CDH13: variants seen among roughly 807,000 people sequenced by gnomAD.
CDH13 encodes cadherin-13.
A neutral mutation model predicts 63.8 loss-of-function variants in CDH13; 24 were observed. The observed-to-expected ratio is 0.38, with a 90% CI of 0.27 to 0.53. CDH13 has a LOEUF of 0.53. Among genes scored for constraint, CDH13 ranks in the 20% least tolerant of loss-of-function variants. The pLI is 0.85. For missense variants in CDH13, 1,049 were observed against 903.1 expected, an observed-to-expected ratio of 1.16 and a Z score of -2.07; for synonymous variants, 503 against 355.3, an observed-to-expected ratio of 1.42 and a Z score of -4.67.
At chr16:82,646,925 T>C (rs556953612) in intron 1 of CDH13, among the ~76,000 whole-genome samples, 70 of 152,302 alleles carry the variant, frequency 4.6e-4, no homozygotes, top group Non-Finnish European at 9.1e-4. Flanking sequence ...TGACTATGAA[T>C]GTGAAGGCAA....
intron 6 of CDH13, among the ~76,000 whole-genome samples, chr16:83,404,000 A>C (rs1055759096): frequency 1.3e-5 from 2 of 152,236 alleles, no homozygotes; most frequent in Non-Finnish European, 2.9e-5. Context: ...AAGATGATTC[A>C]GAAATGCATT....
At chr16:82,913,949 T>G (rs1003295950) in intron 2 of CDH13, among the ~76,000 whole-genome samples, 2 of 151,938 alleles carry the variant, frequency 1.3e-5, no homozygotes, top group African/African-American at 4.8e-5. Flanking sequence ...AGGCAGGAGA[T>G]GTAGACAGCG....
intron 10 of CDH13, among the ~76,000 whole-genome samples, chr16:83,736,121 T>G (rs391794): frequency 6.6e-6 from 1 of 151,938 alleles, no homozygotes; most frequent in Admixed American, 6.6e-5. Flanking sequence ...AAATTTAACC[T>G]TAGACCTAGA....
Position 83,671,008 on chromosome 16 carries a change from C to T in CDH13, c.1284+36C>T, listed in dbSNP as rs534138683. ...TTCCAATTGCCTCTTTCTCCTCATG[C>T]GAGCACGGAGGGCCCCATGAGGCAG... On this transcript the variant is annotated intron_variant, in intron 9 of 13. Coordinates refer to ENST00000567109, the MANE Select transcript of CDH13 (RefSeq NM_001257.5). The T allele has an allele frequency of 3.7e-4, 557 of 1,521,278 alleles. 4 individuals carry two copies. The South Asian group carries it at 4.0e-3, about 11-fold the overall frequency. 94.2% of individuals were successfully genotyped at this position (1,521,278 alleles called of 1,614,324 possible).
intron 1 of CDH13, among the ~76,000 whole-genome samples, chr16:82,715,313 A>C (rs1419267353): frequency 1.3e-5 from 2 of 149,904 alleles, no homozygotes; most frequent in Admixed American, 1.3e-4. Flanking sequence ...CTTAGCCATC[A>C]TCAGCGCCAA....
chr16:83,178,356 A>G (rs557963860), intron 4 of CDH13, among the ~76,000 whole-genome samples: 227 of 152,166 alleles, frequency 1.5e-3, no homozygotes, highest in Admixed American at 1.3e-3. Flanking sequence ...CCCCCGCCGC[A>G]CCCCAGTTGA....
At chr16:82,688,606 T>C (rs1305287692) in intron 1 of CDH13, among the ~76,000 whole-genome samples, 1 of 152,206 alleles carries the variant, frequency 6.6e-6, no homozygotes, top group Non-Finnish European at 1.5e-5. Flanking sequence ...ACATCATTCA[T>C]CTGATGACAT....
chr16:83,384,655 A>G (rs2091637377), intron 6 of CDH13, among the ~76,000 whole-genome samples: 1 of 152,156 alleles, frequency 6.6e-6, no homozygotes, highest in African/African-American at 2.4e-5. Context: ...ATGGGATCCG[A>G]GGGTATGGAG....
At chr16:82,830,680 ATGTC>A (rs1002032870) in intron 1 of CDH13, among the ~76,000 whole-genome samples, 4 of 152,198 alleles carry the variant, frequency 2.6e-5, no homozygotes, top group Non-Finnish European at 5.9e-5. Context: ...GGCATGGACT[ATGTC>A]TGTTTCTTCT....
rs1401930076 is a variant in CDH13, at chr16:83,524,539, G to A, written c.960+37884G>A. 7.0e-5 allele frequency among the ~76,000 whole-genome samples: 9 copies of A among 127,670 alleles called. No homozygotes were observed. The South Asian group carries it at 1.1e-3, about 15-fold the overall frequency. The allele number at this position is 127,670 out of a possible 152,430, so 83.8% of individuals were successfully genotyped here. ...GCGCTCTCGGCTTACTGCAAGCTCCGCCTCCTGGGTTCACGCCATTCTCCT... is the reference window on the plus strand; with the variant it reads ...GCGCTCTCGGCTTACTGCAAGCTCCACCTCCTGGGTTCACGCCATTCTCCT... On this transcript the variant is annotated intron_variant, in intron 7 of 13. Coordinates refer to ENST00000567109, the MANE Select transcript of CDH13 (RefSeq NM_001257.5).
In CDH13 at chr16:83,747,432, G is replaced by A. The variant is rs550210198; in HGVS notation, c.1539-676G>A. On this transcript the variant is annotated intron_variant, in intron 10 of 13. Coordinates refer to ENST00000567109, the MANE Select transcript of CDH13 (RefSeq NM_001257.5). ...ACGTAAGACATGCCTTTCACCTTCC[G>A]CCATGATTGCGAGGCCTCCTTAGCC... is the stretch of plus-strand genomic sequence containing the variant. Among the ~76,000 whole-genome samples, 31 of 152,186 alleles carry A rather than the reference G, an allele frequency of 2.0e-4. No individual in the cohort carries two copies. The South Asian group carries it at 6.2e-3, about 31-fold the overall frequency.
intron 11 of CDH13, among the ~76,000 whole-genome samples, chr16:83,749,882 T>A (rs1912934434): frequency 6.6e-6 from 1 of 152,192 alleles, no homozygotes; most frequent in Admixed American, 6.5e-5. Flanking sequence ...ACATCTCACC[T>A]GCGTGATGAA....
intron 5 of CDH13, among the ~76,000 whole-genome samples, chr16:83,250,607 A>G (rs1015348152): frequency 6.6e-6 from 1 of 152,172 alleles, no homozygotes; most frequent in Admixed American, 6.5e-5. Flanking sequence ...TGGAGACTCC[A>G]GCAACCTTGG....
intron 3 of CDH13, among the ~76,000 whole-genome samples, chr16:83,084,842 C>T (rs745567558): frequency 9.2e-5 from 14 of 152,150 alleles, no homozygotes; most frequent in South Asian, 2.1e-4. Flanking sequence ...GAGCCGAGAT[C>T]GCACCATTGC....
chr16:82,637,084 A>G (rs555558751), intron 1 of CDH13, among the ~76,000 whole-genome samples: 1 of 152,240 alleles, frequency 6.6e-6, no homozygotes, highest in African/African-American at 2.4e-5. Flanking sequence ...AGATGCATGC[A>G]GATTATCTAA....
chr16:83,202,110 C>G (rs565601757), intron 4 of CDH13, among the ~76,000 whole-genome samples: 1 of 152,098 alleles, frequency 6.6e-6, no homozygotes. Flanking sequence ...ATGGCGGACT[C>G]GACTTTCAAG....
At chr16:83,269,663 T>G (rs1249514239) in intron 5 of CDH13, among the ~76,000 whole-genome samples, 1 of 152,196 alleles carries the variant, frequency 6.6e-6, no homozygotes, top group Non-Finnish European at 1.5e-5. Context: ...TCCTATCATT[T>G]CACACACTGA....
Position 82,743,258 on chromosome 16 carries a change from G to A in CDH13, c.46-115104G>A, listed in dbSNP as rs1049588176. Among the ~76,000 whole-genome samples, 5 of 152,060 alleles carry A rather than the reference G, an allele frequency of 3.3e-5. No homozygotes were observed. The South Asian group carries it at 8.3e-4, about 25-fold the overall frequency. ...TTTTTTGTTTTTGAGACAGGGTCTC[G>A]CTCTGCTGCCCAGGCTGGAGCGCGG... On this transcript the variant is annotated intron_variant, in intron 1 of 13. Coordinates refer to ENST00000567109, the MANE Select transcript of CDH13 (RefSeq NM_001257.5).
chr16:83,282,508 A>G (rs1358246577), intron 5 of CDH13, among the ~76,000 whole-genome samples: 1 of 152,204 alleles, frequency 6.6e-6, no homozygotes, highest in Non-Finnish European at 1.5e-5. Context: ...AACCCAAAAA[A>G]TAGTAAATAA....
Sources: allele counts gnomAD v4.1 joint callset (sites outside exome capture counted in the v4.1 genomes callset), GRCh38; gene constraint gnomAD v4.1.1; transcripts MANE v1.5; gene names NCBI Gene and HGNC (gene_info 2026-07-23, HGNC 2026-07-21).